The following TTC21B variants were observed in gnomAD, a reference collection of about 807,000 sequenced individuals.
TTC21B encodes tetratricopeptide repeat protein 21B.
TTC21B carries 127 observed loss-of-function variants against 175.1 expected under a neutral mutation model. The ratio of observed to expected loss-of-function variants is 0.73; its 90% CI spans 0.63 to 0.84. TTC21B has a LOEUF of 0.84. Among genes scored for constraint, TTC21B ranks in the 40% least tolerant of loss-of-function variants. TTC21B has a pLI of 0.00. For synonymous variants in TTC21B, 524 were observed against 524.5 expected (o/e 1.00, Z 0.01); for missense variants, 1,561 against 1,558.3 (o/e 1.00, Z -0.03).
chr2:165,912,616 T>A lies in TTC21B; in HGVS notation c.2220A>T (p.Glu740Asp), dbSNP rs1050895366. The A allele has an allele frequency of 3.1e-6, 5 of 1,613,826 alleles. No individual in the cohort carries two copies. Among genetic ancestry groups the A allele is most frequent in the Non-Finnish European group, 4.2e-6 (5 of 1,179,832 alleles). Residue 740 changes from glutamate (E) to aspartate (D), a missense_variant, in exon 17 of 29, where the codon GAA (glutamate) becomes GAT (aspartate). Glu to Asp is a conservative substitution (Grantham distance 45, BLOSUM62 2). Transcript: ENST00000243344. ...ATGCTTGCTCATATGCTACTATGGCTTCTTCAGGCTAATATTGCCAGACAC... is the reference window on the plus strand; with the variant it reads ...ATGCTTGCTCATATGCTACTATGGCATCTTCAGGCTAATATTGCCAGACAC... ...DAYMNILEPE[E>D]AIVAYEQALN...
chr2:165,924,744 A>G, intron 11 of TTC21B, 66 bp from the exon 12 acceptor site: 2 of 1,518,996 alleles, frequency 1.3e-6, no homozygotes, highest in African/African-American at 1.4e-5. Flanking sequence ...AAATAAACAT[A>G]TATTAATTTT....
intron 5 of TTC21B, among the ~76,000 whole-genome samples, chr2:165,941,873 T>C (rs1574138735): frequency 6.6e-6 from 1 of 152,196 alleles, no homozygotes; most frequent in African/African-American, 2.4e-5. Flanking sequence ...ATATTATATA[T>C]AATAGTTTAA....
intron 15 of TTC21B, 26 bp from the exon 16 acceptor site, chr2:165,913,672 G>C (rs780268097): frequency 3.9e-5 from 61 of 1,569,360 alleles, no homozygotes; most frequent in Non-Finnish European, 5.1e-5. Context: ...ACATTACTTA[G>C]CATATTGAAC....
At position 165,898,770 on chromosome 2, in the gene TTC21B, A is replaced by G; in HGVS notation, c.2869-3T>C. On this transcript the variant is annotated splice_region_variant and splice_polypyrimidine_tract_variant and intron_variant, in intron 21 of 28. Transcript: ENST00000243344. ...CTGAACATGAGATCAGCCATCATCT[A>G]TAAAGATAAAAGTTGGTTCTAAAAA... 2 of 1,604,802 alleles carry G rather than the reference A, an allele frequency of 1.2e-6. No individual in the cohort carries two copies. The highest frequency in any genetic ancestry group is 1.7e-6 in the Non-Finnish European group (2 of 1,171,664).
At chr2:165,896,125 G>GGC (rs35659837) in intron 22 of TTC21B, among the ~76,000 whole-genome samples, 143,815 of 152,132 alleles carry the variant, frequency 0.95, 68,507 homozygotes, top group East Asian at 1. Flanking sequence ...CTGAGGCTCT[G>GGC]AGCACAGATG....
chr2:165,913,676 A>T, intron 15 of TTC21B, 30 bp from the exon 16 acceptor site: 1 of 1,537,700 alleles, frequency 6.5e-7, no homozygotes. Context: ...TACTTAGCAT[A>T]TTGAACACAG....
chr2:165,895,072 G>T (rs1281386852), intron 22 of TTC21B, among the ~76,000 whole-genome samples: 3 of 151,836 alleles, frequency 2.0e-5, no homozygotes, highest in African/African-American at 7.3e-5. Flanking sequence ...GGTGGTAGTG[G>T]GATGCAGATT....
At chr2:165,943,897 G>A (rs1214859477) in intron 4 of TTC21B, among the ~76,000 whole-genome samples, 5 of 152,020 alleles carry the variant, frequency 3.3e-5, no homozygotes, top group African/African-American at 9.7e-5. Flanking sequence ...ACACATGTTA[G>A]TGGGCCGATG....
At chr2:165,892,885 C>T (rs1040027471) in intron 22 of TTC21B, among the ~76,000 whole-genome samples, 2 of 152,104 alleles carry the variant, frequency 1.3e-5, no homozygotes, top group Non-Finnish European at 1.5e-5. Flanking sequence ...ATATATGTTT[C>T]ACCACAATAC....
At chr2:165,920,079 A>G (rs1185955954) in intron 12 of TTC21B, among the ~76,000 whole-genome samples, 2 of 149,758 alleles carry the variant, frequency 1.3e-5, no homozygotes, top group Admixed American at 1.3e-4. Flanking sequence ...TAGATGCGGT[A>G]AGAAGAGGCT....
intron 16 of TTC21B, among the ~76,000 whole-genome samples, chr2:165,912,967 C>T (rs778044522): frequency 6.6e-6 from 1 of 152,140 alleles, no homozygotes; most frequent in Non-Finnish European, 1.5e-5. Flanking sequence ...GAAGAAAACA[C>T]CACCTTAGTC....
chr2:165,950,604 A>G (rs1334825180), intron 1 of TTC21B, among the ~76,000 whole-genome samples: 1 of 152,176 alleles, frequency 6.6e-6, no homozygotes, highest in African/African-American at 2.4e-5. Context: ...AAGGGTATCT[A>G]GACAGCTCTG....
chr2:165,897,829 T>G (rs1042896215), intron 22 of TTC21B, among the ~76,000 whole-genome samples: 1 of 151,988 alleles, frequency 6.6e-6, no homozygotes, highest in Non-Finnish European at 1.5e-5. Context: ...AAGAACTGAG[T>G]GAGTTTAGGA....
intron 3 of TTC21B, among the ~76,000 whole-genome samples, chr2:165,946,247 G>A (rs1687557258): frequency 6.6e-6 from 1 of 151,996 alleles, no homozygotes; most frequent in Non-Finnish European, 1.5e-5. Context: ...GCTGAGGCAG[G>A]AGAATGGCGT....
At chr2:165,895,311 C>A (rs1685326329) in intron 22 of TTC21B, among the ~76,000 whole-genome samples, 1 of 152,104 alleles carries the variant, frequency 6.6e-6, no homozygotes, top group Non-Finnish European at 1.5e-5. Context: ...AGCCAGTCTA[C>A]TAAGCCAATT....
chr2:165,929,295 T>C lies in TTC21B; in HGVS notation c.1226A>G (p.Asn409Ser). The change falls in exon 11 of 29, where the codon AAT becomes AGT. Residue 409 changes from asparagine to serine, a missense_variant. Transcript: ENST00000243344. ...ATTAATAACTTCTTCTTGTCGTTTA[T>C]TTTTCTTCATGGCAAGAACTGCATG... The part of the protein sequence containing the change: ...YLHAVLAMKK[N>S]KRQEEVINLL... 2 of 1,612,170 alleles carry C rather than the reference T, an allele frequency of 1.2e-6. No homozygotes were observed. The highest frequency in any genetic ancestry group is 1.3e-5 in the African/African-American group (1 of 75,006).
chr2:165,885,388 C>T (rs1283303043), intron 25 of TTC21B, among the ~76,000 whole-genome samples: 2 of 146,882 alleles, frequency 1.4e-5, no homozygotes, highest in African/African-American at 4.9e-5. Context: ...TAAAAACTTC[C>T]TTGCCTCAAA....
intron 6 of TTC21B, among the ~76,000 whole-genome samples, chr2:165,939,367 G>A (rs1269884619): frequency 6.6e-6 from 1 of 152,078 alleles, no homozygotes; most frequent in Non-Finnish European, 1.5e-5. Context: ...TGAAGTAAAG[G>A]TGACTTTCTA....
intron 22 of TTC21B, among the ~76,000 whole-genome samples, chr2:165,896,154 GAT>G (rs912315584): frequency 9.2e-6 from 1 of 109,138 alleles, no homozygotes; most frequent in African/African-American, 3.2e-5. Context: ...ATCAGCCTGA[GAT>G]GAAGGTGGTG....
Sources: allele counts gnomAD v4.1 joint callset (sites outside exome capture counted in the v4.1 genomes callset), GRCh38; gene constraint gnomAD v4.1.1; transcripts MANE v1.5; gene names NCBI Gene and HGNC (gene_info 2026-07-23, HGNC 2026-07-21).